DNAJA2: variants seen among roughly 807,000 people sequenced by gnomAD.
DNAJA2 encodes DnaJ heat shock protein family (Hsp40) member A2.
A neutral mutation model predicts 49.3 loss-of-function variants in DNAJA2; 6 were observed. That is an observed-to-expected ratio of 0.12 (90% CI 0.07 to 0.24). The LOEUF is 0.24. Among genes scored for constraint, DNAJA2 ranks in the 10% least tolerant of loss-of-function variants. The probability of loss-of-function intolerance (pLI) is 1.00; values close to 1 mark genes in which losing one functional copy is unlikely to be tolerated. For missense variants in DNAJA2, 347 were observed against 516.8 expected (o/e 0.67, Z 3.19); for synonymous variants, 160 against 172.7 (o/e 0.93, Z 0.58).
chr16:46,968,988 A>G (rs1962011018), intron 3 of DNAJA2, among the ~76,000 whole-genome samples: 1 of 152,194 alleles, frequency 6.6e-6, no homozygotes, highest in Non-Finnish European at 1.5e-5. Context: ...TTGAGGCTGC[A>G]GTGAGCTGAG....
chr16:46,964,553 A>T (rs1276478128), intron 6 of DNAJA2, 58 bp downstream of exon 6: 3 of 1,522,150 alleles, frequency 2.0e-6, no homozygotes, highest in Non-Finnish European at 1.8e-6. Context: ...TATTTCTCAC[A>T]AGCAAGAAGT....
intron 5 of DNAJA2, among the ~76,000 whole-genome samples, chr16:46,965,820 G>A (rs888439241): frequency 1.4e-5 from 2 of 142,588 alleles, no homozygotes; most frequent in Admixed American, 7.3e-5. Flanking sequence ...AACAGAGCAA[G>A]ACTCCGTCTC....
In DNAJA2 at chr16:46,963,761, ATTT is replaced by A. The variant is rs1007983565; in HGVS notation, c.774+847_774+849del. 2.0e-5 allele frequency among the ~76,000 whole-genome samples: 3 copies of A among 152,076 alleles called. No individual in the cohort carries two copies. The East Asian group carries it at 5.8e-4, about 29-fold the overall frequency. ...ATTCTTCAGAAGCTTCTAAAAAAATATTTTTTTTAAAAAAAATCCCAGAACCCT... is the reference window on the plus strand; with the variant it reads ...ATTCTTCAGAAGCTTCTAAAAAAATATTTTTAAAAAAAATCCCAGAACCCT... On this transcript the variant is annotated intron_variant, in intron 6 of 8. Transcript: ENST00000317089.
chr16:46,961,726 A>G (rs1301163357), intron 6 of DNAJA2, among the ~76,000 whole-genome samples: 3 of 152,184 alleles, frequency 2.0e-5, no homozygotes, highest in Non-Finnish European at 2.9e-5. Flanking sequence ...AAACAATTTG[A>G]TGTTAAAAGT....
At chr16:46,961,755 C>G (rs1300662497) in intron 6 of DNAJA2, among the ~76,000 whole-genome samples, 1 of 151,860 alleles carries the variant, frequency 6.6e-6, no homozygotes, top group East Asian at 1.9e-4. Context: ...AATAAACAAG[C>G]AAGGATGCCA....
intron 1 of DNAJA2, chr16:46,973,080 G>C (rs930184929): frequency 1.3e-5 from 2 of 152,196 alleles, no homozygotes; most frequent in African/African-American, 4.8e-5. Flanking sequence ...CGGCCGCGGG[G>C]CGGACAGCTT....
chr16:46,957,198 G>C lies in DNAJA2; in HGVS notation c.1070C>G (p.Ser357Cys). ...KLSELEDLLPSRPEVPNIIGE... is the reference protein window; with the variant it reads ...KLSELEDLLPCRPEVPNIIGE... ...AATTATGTTAGGAACTTCCGGTCTA[G>C]ATGGCAGAAGATCTTCTAGTTCCTT... Residue 357 changes from serine to cysteine, a missense_variant, in exon 9 of 9, where the codon TCT becomes TGT. Ser to Cys is a moderately radical substitution (Grantham distance 112). Transcript: ENST00000317089. The C allele has an allele frequency of 6.2e-7, 1 of 1,603,520 alleles. No homozygotes were observed.
chr16:46,973,395 C>T (rs1596660586), intron 1 of DNAJA2, 100 bp downstream of exon 1: 2 of 1,117,104 alleles, frequency 1.8e-6, no homozygotes, highest in Non-Finnish European at 2.3e-6. Context: ...CGGCCGGCGC[C>T]GGCTCGCGGG....
In DNAJA2 at chr16:46,956,858, GTTAGT is replaced by G. The variant is rs1275869394; in HGVS notation, c.*166_*170del. On this transcript the variant is annotated 3_prime_UTR_variant, in exon 9 of 9. Coordinates refer to ENST00000317089, the MANE Select transcript of DNAJA2 (RefSeq NM_005880.4). Reference sequence around the variant, plus strand: ...CAAAATGAAGATGTAAAGCTTTGTGGTTAGTTTAAATTATACACTCTGTAGATACT... The same window carrying G: ...CAAAATGAAGATGTAAAGCTTTGTGGTTAAATTATACACTCTGTAGATACT... The G allele has an allele frequency of 4.6e-5, 32 of 697,790 alleles. No homozygotes were observed. Among genetic ancestry groups the G allele is most frequent in the Non-Finnish European group, 6.1e-5 (25 of 408,368 alleles). The allele number at this position is 697,790 out of a possible 1,614,324, so 43.2% of individuals were successfully genotyped here.
intron 3 of DNAJA2, among the ~76,000 whole-genome samples, chr16:46,969,902 C>T (rs1286157946): frequency 6.6e-6 from 1 of 151,920 alleles, no homozygotes; most frequent in Non-Finnish European, 1.5e-5. Context: ...CTTTTTAGAC[C>T]ATTTCTATAT....
intron 5 of DNAJA2, among the ~76,000 whole-genome samples, chr16:46,966,799 G>A (rs1039425856): frequency 7.2e-5 from 11 of 152,116 alleles, no homozygotes; most frequent in Non-Finnish European, 1.5e-4. Context: ...CCACTTATCA[G>A]AATAACTAAA....
At position 46,970,730 on chromosome 16, in the gene DNAJA2, C is replaced by CAAAAAAA. The variant is rs10523905; in HGVS notation, c.362+612_362+618dup. On this transcript the variant is annotated intron_variant, in intron 3 of 8. Transcript: ENST00000317089. The stretch of plus-strand genomic sequence containing the variant: ...AACCCGGGCGACAGGGACTCCATTT[C>CAAAAAAA]AAAAAAAAAAAAAAAAAAAAAAAAA... Among the ~76,000 whole-genome samples, 60 of 32,194 alleles carry CAAAAAAA rather than the reference C, an allele frequency of 1.9e-3. 4 individuals are homozygous for CAAAAAAA. The highest frequency in any genetic ancestry group is 4.2e-3 in the East Asian group (4 of 944). 21.1% of individuals were successfully genotyped at this position (32,194 alleles called of 152,430 possible).
In DNAJA2 at chr16:46,963,849, G is replaced by C. The variant is rs554265815; in HGVS notation, c.774+762C>G. Among the ~76,000 whole-genome samples, 11 of 152,268 alleles carry C rather than the reference G, an allele frequency of 7.2e-5. No homozygotes were observed. In the South Asian group the frequency reaches 2.1e-3, roughly 29 times the overall value. On this transcript the variant is annotated intron_variant, in intron 6 of 8. Coordinates refer to ENST00000317089, the MANE Select transcript of DNAJA2 (RefSeq NM_005880.4). The stretch of plus-strand genomic sequence containing the variant: ...AAAACCAAATCGACAGAGCAGCAGA[G>C]TTTCACAGTGAAAATACAGGCTGCC...
At chr16:46,967,987 G>T in intron 4 of DNAJA2, 97 bp downstream of exon 4, 1 of 1,238,748 alleles carries the variant, frequency 8.1e-7, no homozygotes, top group Non-Finnish European at 1.1e-6. Context: ...CCAGCCGTAA[G>T]TTTTAACTTA....
At position 46,973,550 on chromosome 16, in the gene DNAJA2, T is replaced by C; in HGVS notation, c.23A>G (p.Lys8Arg). 1 of 1,599,572 alleles carries C rather than the reference T, an allele frequency of 6.3e-7. No homozygotes were observed. Among genetic ancestry groups the C allele is most frequent in the Non-Finnish European group, 8.5e-7 (1 of 1,176,640 alleles). ...CGGGACGCCCAGGATGTCGTACAGC[T>C]TCGTGTCAGCCACGTTAGCCATGGC... The part of the protein sequence containing the change: MANVADT[K>R]LYDILGVPPG... Residue 8 changes from lysine to arginine, a missense_variant, in exon 1 of 9, where the codon AAG becomes AGG. Transcript: ENST00000317089.
chr16:46,972,408 CTG>C (rs1962065862), intron 1 of DNAJA2: 1 of 154,638 alleles, frequency 6.5e-6, no homozygotes, highest in African/African-American at 2.4e-5. Flanking sequence ...TTCCTTCTAA[CTG>C]TAACATCATG....
At position 46,960,183 on chromosome 16, in the gene DNAJA2, C is replaced by T. The variant is rs1278090082; in HGVS notation, c.775-764G>A. On this transcript the variant is annotated intron_variant, in intron 6 of 8. Transcript: ENST00000317089. The stretch of plus-strand genomic sequence containing the variant: ...CAGGTTCTTTTCCTATGTTACTCTC[C>T]TAAATTTACTCATTAAACAAAGTTA... Among the ~76,000 whole-genome samples the T allele has an allele frequency of 2.6e-5, 4 of 152,298 alleles. No homozygotes were observed. The South Asian group carries it at 8.3e-4, about 32-fold the overall frequency.
chr16:46,969,537 C>T (rs541092531), intron 3 of DNAJA2, among the ~76,000 whole-genome samples: 1 of 152,322 alleles, frequency 6.6e-6, no homozygotes, highest in Admixed American at 6.5e-5. Context: ...AATGGTTTGG[C>T]AAGGCTGGCA....
intron 6 of DNAJA2, among the ~76,000 whole-genome samples, chr16:46,961,989 G>A (rs1483499913): frequency 1.3e-5 from 2 of 151,020 alleles, no homozygotes; most frequent in Non-Finnish European, 2.9e-5. Flanking sequence ...GATGACTATA[G>A]ATGATACAGC....
Sources: gnomAD v4.1 joint callset for allele counts (sites outside exome capture counted in the v4.1 genomes callset) on GRCh38, gnomAD v4.1.1 for gene constraint, MANE v1.5 for transcripts, NCBI Gene and HGNC (gene_info 2026-07-23, HGNC 2026-07-21) for gene names.